The following VPS13D variants were observed in gnomAD, a reference collection of about 807,000 sequenced individuals.
The protein encoded by VPS13D is intermembrane lipid transfer protein VPS13D.
In VPS13D, 187 loss-of-function variants were observed where a neutral mutation model predicts 461.9. The observed-to-expected ratio is 0.40, with a 90% confidence interval of 0.36 to 0.46. The LOEUF (loss-of-function observed/expected upper bound fraction) is 0.46, where lower values mean the gene tolerates loss of function less well. VPS13D is among the 20% of genes least tolerant of loss of function. The probability of loss-of-function intolerance (pLI) is 0.60; values close to 1 mark genes in which losing one functional copy is unlikely to be tolerated. For missense variants in VPS13D, 4,711 were observed against 5,364.9 expected (o/e 0.88, Z 3.81); for synonymous variants, 1,951 against 1,986.3 (o/e 0.98, Z 0.47).
chr1:12,255,614 T>C (rs2336646), intron 7 of VPS13D, among the ~76,000 whole-genome samples: 10,996 of 151,396 alleles, frequency 0.073, 650 homozygotes, highest in African/African-American at 0.14. Context: ...AATATAAAGG[T>C]TGGGCGTGGT....
intron 57 of VPS13D, among the ~76,000 whole-genome samples, chr1:12,381,003 C>G (rs1249595455): frequency 1.3e-5 from 2 of 152,150 alleles, no homozygotes; most frequent in Non-Finnish European, 2.9e-5. Context: ...TTTCTAAAGC[C>G]CATGTAATTC....
chr1:12,489,533 A>G (rs1286151094), intron 67 of VPS13D, among the ~76,000 whole-genome samples: 4 of 152,092 alleles, frequency 2.6e-5, no homozygotes, highest in African/African-American at 4.8e-5. Flanking sequence ...CTCTAGGGAG[A>G]GGTAAGTAGA....
chr1:12,258,440 C>G (rs1640989251), intron 10 of VPS13D, among the ~76,000 whole-genome samples: 1 of 152,240 alleles, frequency 6.6e-6, no homozygotes, highest in African/African-American at 2.4e-5. Flanking sequence ...AATTCTCTTA[C>G]TTCAAAGTCT....
Position 12,302,434 on chromosome 1 carries a change from A to G in VPS13D, c.6217-2072A>G, listed in dbSNP as rs368717786. On this transcript the variant is annotated intron_variant, in intron 25 of 69. Transcript: ENST00000620676. ...GTATGGGTTTACCAGCAGGCCCTGAAGTTAGCCTCGGCAGAAGAATTGCCA... is the reference window on the plus strand; with the variant it reads ...GTATGGGTTTACCAGCAGGCCCTGAGGTTAGCCTCGGCAGAAGAATTGCCA... Among the ~76,000 whole-genome samples the G allele has an allele frequency of 3.0e-4, 45 of 152,322 alleles. 3 individuals are homozygous for G. Among genetic ancestry groups the G allele is most frequent in the Admixed American group, 2.1e-3 (32 of 15,296 alleles).
At chr1:12,286,030 C>T (rs1265213211) in intron 21 of VPS13D, among the ~76,000 whole-genome samples, 6 of 148,744 alleles carry the variant, frequency 4.0e-5, no homozygotes, top group Non-Finnish European at 7.5e-5. Context: ...CTCCTCCTCT[C>T]CCCTCCCCTC....
intron 2 of VPS13D, among the ~76,000 whole-genome samples, chr1:12,241,048 C>T (rs1640338056): frequency 6.6e-6 from 1 of 151,684 alleles, no homozygotes; most frequent in South Asian, 2.1e-4. Context: ...TCAAGCGATC[C>T]TCCTGCCTCA....
At position 12,456,139 on chromosome 1, in the gene VPS13D, T is replaced by C; in HGVS notation, c.12466+9T>C. The C allele has an allele frequency of 6.2e-7, 1 of 1,606,886 alleles. No homozygotes were observed. Among genetic ancestry groups the C allele is most frequent in the Non-Finnish European group, 8.5e-7 (1 of 1,177,490 alleles). ...CCATGGCCTGGCTCATGGTAAGTCA[T>C]GGGTGACATCAGGCTCTGCTGCTGC... On this transcript the variant is annotated intron_variant, in intron 66 of 69. Coordinates refer to ENST00000620676, the MANE Select transcript of VPS13D (RefSeq NM_015378.4).
In VPS13D at chr1:12,507,142, C is replaced by G. The variant is rs762887555; in HGVS notation, c.13035+49C>G. On this transcript the variant is annotated intron_variant, in intron 69 of 69. Transcript: ENST00000620676. This position sits in a 1 kb window ranked among gnomAD's most constrained non-coding sequence, Gnocchi z 5.3. Reference sequence around the variant, plus strand: ...CTCCTGAGGGGCGGGGCCAGGGCCTCGATGCCTCTGCCCTGCTTCCCCGTC... The same window carrying G: ...CTCCTGAGGGGCGGGGCCAGGGCCTGGATGCCTCTGCCCTGCTTCCCCGTC... 6.2e-7 allele frequency: 1 copy of G among 1,611,370 alleles called. No homozygotes were observed.
intron 67 of VPS13D, among the ~76,000 whole-genome samples, chr1:12,483,990 C>T (rs1645760327): frequency 6.6e-6 from 1 of 151,140 alleles, no homozygotes; most frequent in Non-Finnish European, 1.5e-5. Context: ...GAGTGGGACT[C>T]CCTCTCAAAA....
In VPS13D at chr1:12,308,558, T is replaced by A; in HGVS notation, c.6567T>A (p.Pro2189=). 6.2e-7 allele frequency: 1 copy of A among 1,613,668 alleles called. No homozygotes were observed. Among genetic ancestry groups the A allele is most frequent in the Non-Finnish European group, 8.5e-7 (1 of 1,179,870 alleles). ...PEDSSGDLIF[P]SYFVRQTGGS... is the part of the protein sequence containing the mutation. The stretch of plus-strand genomic sequence containing the variant: ...ATAGTAGTGGAGATCTGATCTTCCC[T>A]TCCTATTTTGTGCGACAGACAGGAG... Residue 2189 remains proline (P), a synonymous_variant, in exon 27 of 70, where the codon CCT becomes CCA. Coordinates refer to ENST00000620676, the MANE Select transcript of VPS13D (RefSeq NM_015378.4).
At chr1:12,486,777 G>T (rs1229867687) in intron 67 of VPS13D, among the ~76,000 whole-genome samples, 2 of 152,152 alleles carry the variant, frequency 1.3e-5, no homozygotes, top group African/African-American at 4.8e-5. Context: ...CACCCTCTGG[G>T]CTTCGGAAGC....
chr1:12,497,940 G>A (rs1458949546), intron 68 of VPS13D, among the ~76,000 whole-genome samples: 2 of 152,164 alleles, frequency 1.3e-5, no homozygotes, highest in Non-Finnish European at 2.9e-5. Context: ...CAATTTTAAG[G>A]TTTTTCTCCT....
chr1:12,344,672 C>T (rs1260080142), intron 42 of VPS13D, among the ~76,000 whole-genome samples: 4 of 152,146 alleles, frequency 2.6e-5, no homozygotes, highest in Non-Finnish European at 2.9e-5. Context: ...AAAATAAATG[C>T]CTTTTCTGGC....
At chr1:12,311,693 TC>T in intron 28 of VPS13D, 68 bp downstream of exon 28, 5 of 1,592,920 alleles carry the variant, frequency 3.1e-6, no homozygotes, top group Admixed American at 1.7e-5. Flanking sequence ...GTGTATCTAT[TC>T]CTCAAACTCA....
intron 67 of VPS13D, among the ~76,000 whole-genome samples, chr1:12,462,253 G>C (rs670279): frequency 0.25 from 37,775 of 152,168 alleles, 5,666 homozygotes; most frequent in Non-Finnish European, 0.35. Context: ...GTGATGGGGA[G>C]AAGGAGGGTG....
chr1:12,487,334 G>T (rs1337787939), intron 67 of VPS13D, among the ~76,000 whole-genome samples: 1 of 152,114 alleles, frequency 6.6e-6, no homozygotes, highest in Non-Finnish European at 1.5e-5. Flanking sequence ...ATCGGGTCAG[G>T]CACGGTGGCT....
At chr1:12,271,681 A>G (rs183514038) in intron 17 of VPS13D, among the ~76,000 whole-genome samples, 51 of 152,136 alleles carry the variant, frequency 3.4e-4, no homozygotes, top group Non-Finnish European at 6.5e-4. Flanking sequence ...AGAAGAAGAA[A>G]AAAAAAAGAC....
intron 24 of VPS13D, among the ~76,000 whole-genome samples, chr1:12,296,312 T>C (rs1252982252): frequency 1.3e-5 from 2 of 152,230 alleles, no homozygotes; most frequent in African/African-American, 2.4e-5. Flanking sequence ...TTTTAATTCA[T>C]ATCTTTGCCA....
intron 67 of VPS13D, among the ~76,000 whole-genome samples, chr1:12,487,996 GCT>G (rs757959173): frequency 2.0e-5 from 3 of 152,154 alleles, no homozygotes; most frequent in African/African-American, 7.2e-5. Flanking sequence ...GTTTTAAAAA[GCT>G]CTGTCAGGCA....
Sources: allele counts gnomAD v4.1 joint callset (sites outside exome capture counted in the v4.1 genomes callset), GRCh38; gene constraint gnomAD v4.1.1; non-coding constraint Gnocchi (gnomAD v3.1); transcripts MANE v1.5; gene names NCBI Gene and HGNC (gene_info 2026-07-23, HGNC 2026-07-21).